SRGN: variants seen among roughly 807,000 people sequenced by gnomAD.
SRGN encodes the protein hematopoetic proteoglycan core peptide.
In SRGN, 2 loss-of-function variants were observed where a neutral mutation model predicts 9.5. The observed-to-expected ratio is 0.21, with a 90% CI of 0.09 to 0.66. The LOEUF (loss-of-function observed/expected upper bound fraction) is 0.66, where lower values mean the gene tolerates loss of function less well. Ranked by LOEUF, SRGN falls within the 30% of genes least tolerant of loss-of-function variation. The probability of loss-of-function intolerance (pLI) is 0.83; values close to 1 mark genes in which losing one functional copy is unlikely to be tolerated. For missense variants in SRGN, 170 were observed against 192.4 expected (o/e 0.88, Z 0.69); for synonymous variants, 59 against 72.3 (o/e 0.82, Z 0.93).
Position 69,103,897 on chromosome 10 carries a change from G to T in SRGN, c.254G>T (p.Arg85Leu), listed in dbSNP as rs186846312. The change falls in exon 3 of 3, where the codon CGT (arginine) becomes CTT (leucine). Residue 85 changes from arginine to leucine, a missense_variant. Arg to Leu is a moderately radical substitution (Grantham distance 102). Transcript: ENST00000242465. ...AAGACGAGAATCCAGGACTTGAATC[G>T]TATCTTCCCACTTTCTGAGGACTAC... is the stretch of plus-strand genomic sequence containing the variant. ...FPKTRIQDLN[R>L]IFPLSEDYSG... is the part of the protein sequence containing the mutation. 4 of 1,613,634 alleles carry T rather than the reference G, an allele frequency of 2.5e-6. No homozygotes were observed. The highest frequency in any genetic ancestry group is 3.4e-6 in the Non-Finnish European group (4 of 1,179,866).
Position 69,104,245 on chromosome 10 carries a change from A to T in SRGN, c.*125A>T, listed in dbSNP as rs1840353306. 6.3e-6 allele frequency: 8 copies of T among 1,270,738 alleles called. No homozygotes were observed. The highest frequency in any genetic ancestry group is 7.5e-6 in the Non-Finnish European group (7 of 928,972). 78.7% of individuals were successfully genotyped at this position (1,270,738 alleles called of 1,614,324 possible). ...TTTAAACATCTGAAAAAGAAGCTTA[A>T]GTTTTATCATCCTTTTTTTTCTCAT... On this transcript the variant is annotated 3_prime_UTR_variant, in exon 3 of 3. Transcript: ENST00000242465.
chr10:69,101,947 GC>G (rs1840300653), intron 2 of SRGN, among the ~76,000 whole-genome samples: 1 of 152,098 alleles, frequency 6.6e-6, no homozygotes, highest in Non-Finnish European at 1.5e-5. Context: ...TACAAAGGAA[GC>G]TGAGGTGGGA....
At chr10:69,093,354 T>C (rs1287592545) in intron 1 of SRGN, among the ~76,000 whole-genome samples, 1 of 152,248 alleles carries the variant, frequency 6.6e-6, no homozygotes, top group Non-Finnish European at 1.5e-5. Flanking sequence ...AAAATTAATT[T>C]CACCTGTTTC....
upstream of SRGN, chr10:69,088,016 C>A: frequency 3.1e-6 from 2 of 637,402 alleles, no homozygotes; most frequent in Non-Finnish European, 2.8e-6. Flanking sequence ...GGATGTCTTT[C>A]TATTTGTTCA....
chr10:69,104,268 C>CATGA lies in SRGN; in HGVS notation c.*151_*154dup. 9.2e-7 allele frequency: 1 copy of CATGA among 1,088,388 alleles called. No homozygotes were observed. Among genetic ancestry groups the CATGA allele is most frequent in the East Asian group, 2.6e-5 (1 of 38,810 alleles). 67.4% of individuals were successfully genotyped at this position (1,088,388 alleles called of 1,614,324 possible). On this transcript the variant is annotated 3_prime_UTR_variant, in exon 3 of 3. Transcript: ENST00000242465. ...TAAGTTTTATCATCCTTTTTTTTCT[C>CATGA]ATGAATTCTTAAAGGATTATGCTTT...
chr10:69,103,065 G>A (rs1380085919), intron 2 of SRGN, among the ~76,000 whole-genome samples: 3 of 151,764 alleles, frequency 2.0e-5, no homozygotes, highest in African/African-American at 4.8e-5. Flanking sequence ...TCAGCCTTCC[G>A]AGTAGCTGGG....
chr10:69,101,870 G>A (rs1445526158), intron 2 of SRGN, among the ~76,000 whole-genome samples: 2 of 152,138 alleles, frequency 1.3e-5, no homozygotes, highest in Admixed American at 6.6e-5. Flanking sequence ...GGGCAACATA[G>A]TGAGACCCTA....
Position 69,097,172 on chromosome 10 carries a change from G to A in SRGN, c.168G>A (p.Met56Ile). 2 of 1,614,058 alleles carry A rather than the reference G, an allele frequency of 1.2e-6. No individual in the cohort carries two copies. The highest frequency in any genetic ancestry group is 2.7e-5 in the African/African-American group (2 of 75,026). ...SANCLEEKGP[M>I]FELLPGESNK... ...ACTGCCTTGAAGAAAAAGGACCAAT[G>A]TTCGAACTACTTCCAGGTGAATCCA... The change falls in exon 2 of 3, where the codon ATG becomes ATA. Residue 56 changes from methionine to isoleucine, a missense_variant. By Grantham distance (10) the Met-to-Ile change is conservative (BLOSUM62 1). Coordinates refer to ENST00000242465, the MANE Select transcript of SRGN (RefSeq NM_002727.4).
intron 2 of SRGN, among the ~76,000 whole-genome samples, chr10:69,101,313 C>T (rs1840286194): frequency 6.6e-6 from 1 of 152,130 alleles, no homozygotes; most frequent in Non-Finnish European, 1.5e-5. Context: ...ACCTCGCTAT[C>T]CCCCATTTAG....
intron 1 of SRGN, among the ~76,000 whole-genome samples, chr10:69,088,682 T>C (rs966477560): frequency 6.6e-6 from 1 of 151,700 alleles, no homozygotes; most frequent in South Asian, 2.1e-4. Flanking sequence ...TATATTCCAA[T>C]TGGGGTGAAT....
intron 1 of SRGN, among the ~76,000 whole-genome samples, chr10:69,088,859 G>A (rs1434396269): frequency 6.6e-6 from 1 of 152,044 alleles, no homozygotes; most frequent in Non-Finnish European, 1.5e-5. Context: ...CATCATATTC[G>A]GAAATATCTT....
At position 69,094,429 on chromosome 10, in the gene SRGN, T is replaced by C. The variant is rs1040640127; in HGVS notation, c.80-2655T>C. Among the ~76,000 whole-genome samples the C allele has an allele frequency of 2.0e-5, 3 of 152,180 alleles. No homozygotes were observed. In the South Asian group the frequency reaches 6.2e-4, roughly 31 times the overall value. On this transcript the variant is annotated intron_variant, in intron 1 of 2. Transcript: ENST00000242465. ...AGAGGAATATTGTTTATTATAGCAA[T>C]TTAGAAAACAAAATGAGAAAAAAAA...
intron 2 of SRGN, among the ~76,000 whole-genome samples, chr10:69,098,005 G>C (rs1409193354): frequency 1.3e-5 from 2 of 152,200 alleles, no homozygotes; most frequent in Non-Finnish European, 2.9e-5. Flanking sequence ...CATGGTAAAA[G>C]TGTACTGTAT....
At chr10:69,100,448 AAAAAT>A (rs913450914) in intron 2 of SRGN, among the ~76,000 whole-genome samples, 4 of 152,174 alleles carry the variant, frequency 2.6e-5, no homozygotes, top group Non-Finnish European at 5.9e-5. Context: ...ACTAAAATTA[AAAAAT>A]AAAATAAAAT....
At chr10:69,094,659 A>G (rs1360284404) in intron 1 of SRGN, among the ~76,000 whole-genome samples, 2 of 152,094 alleles carry the variant, frequency 1.3e-5, no homozygotes, top group Non-Finnish European at 2.9e-5. Context: ...CAGCCGTGCA[A>G]TCTTGGCTCA....
intron 1 of SRGN, among the ~76,000 whole-genome samples, chr10:69,095,232 T>G (rs1385140920): frequency 6.8e-6 from 1 of 147,238 alleles, no homozygotes; most frequent in African/African-American, 2.5e-5. Context: ...CGCTTGAACC[T>G]GGGAGGCAGA....
rs562386042 is a variant in SRGN, at chr10:69,097,216, G to A, written c.212G>A (p.Arg71Lys). ...PGESNKIPRL[R>K]TDLFPKTRIQ... ...GAATCCAACAAGATCCCCCGTCTGA[G>A]GACTGACCTTTTTCCGTAAGTGGAC... The change falls in exon 2 of 3, where the codon AGG becomes AAG. Residue 71 changes from arginine to lysine, a missense_variant. Transcript: ENST00000242465. 3.1e-5 allele frequency: 50 copies of A among 1,612,112 alleles called. 1 individual carries two copies. The South Asian group carries it at 5.3e-4, about 17-fold the overall frequency.
rs1840191098 is a variant in SRGN at position 69,097,138 on chromosome 10, A to G, written c.134A>G (p.Asn45Ser). The G allele has an allele frequency of 6.2e-7, 1 of 1,614,082 alleles. No individual in the cohort carries two copies. Among genetic ancestry groups the G allele is most frequent in the African/African-American group, 1.3e-5 (1 of 74,938 alleles). Reference protein sequence around the residue: ...YQWVRCNPDSNSANCLEEKGP... With the variant: ...YQWVRCNPDSSSANCLEEKGP... ...TGGGTGCGCTGCAATCCAGACAGTA[A>G]TTCTGCAAACTGCCTTGAAGAAAAA... The change falls in exon 2 of 3, where the codon AAT (asparagine) becomes AGT (serine). Residue 45 changes from asparagine (N) to serine (S), a missense_variant. Transcript: ENST00000242465.
chr10:69,096,755 T>A (rs1284919769), intron 1 of SRGN, among the ~76,000 whole-genome samples: 1 of 152,102 alleles, frequency 6.6e-6, no homozygotes, highest in Non-Finnish European at 1.5e-5. Context: ...GCAGGAGGAC[T>A]GCTTGAGCCC....
Sources: allele counts gnomAD v4.1 joint callset (sites outside exome capture counted in the v4.1 genomes callset), GRCh38; gene constraint gnomAD v4.1.1; transcripts MANE v1.5; gene names NCBI Gene and HGNC (gene_info 2026-07-23, HGNC 2026-07-21).